RHOQ: variants seen among roughly 807,000 people sequenced by gnomAD.
RHOQ encodes ras homolog family member Q, also known as rho-related GTP-binding protein RhoQ.
In RHOQ, 7 loss-of-function variants were observed where a neutral mutation model predicts 25.8. The observed-to-expected ratio is 0.27, with a 90% CI of 0.15 to 0.51. The LOEUF is 0.51. Ranked by LOEUF, RHOQ falls within the 20% of genes least tolerant of loss-of-function variation. The probability of loss-of-function intolerance (pLI) is 0.97; values close to 1 mark genes in which losing one functional copy is unlikely to be tolerated. For missense variants in RHOQ, 165 were observed against 260.6 expected, an observed-to-expected ratio of 0.63 and a Z score of 2.53; for synonymous variants, 97 against 98.6, an observed-to-expected ratio of 0.98 and a Z score of 0.10.
chr2:46,545,723 C>T (rs939628384), intron 2 of RHOQ, among the ~76,000 whole-genome samples: 2 of 151,990 alleles, frequency 1.3e-5, no homozygotes, highest in African/African-American at 4.8e-5. Context: ...GCTGAGATGC[C>T]ACGGGGTTGA....
intron 4 of RHOQ, among the ~76,000 whole-genome samples, chr2:46,577,565 A>ATTTTTT (rs908178158): frequency 2.0e-4 from 13 of 64,958 alleles, no homozygotes; most frequent in Non-Finnish European, 3.1e-4. Context: ...ACACCCGGCT[A>ATTTTTT]TTTTTTTTTT....
chr2:46,573,697 C>T (rs1193134252), intron 2 of RHOQ, among the ~76,000 whole-genome samples: 2 of 152,184 alleles, frequency 1.3e-5, no homozygotes, highest in Non-Finnish European at 2.9e-5. Context: ...ACATGGCATT[C>T]AATTAGTTTT....
chr2:46,578,874 T>C (rs974082036), intron 4 of RHOQ, among the ~76,000 whole-genome samples: 2 of 151,184 alleles, frequency 1.3e-5, no homozygotes, highest in African/African-American at 4.9e-5. Context: ...ATGTTAATTA[T>C]GTTGATTTAA....
At position 46,566,020 on chromosome 2, in the gene RHOQ, GAAGA is replaced by G. The variant is rs1309659152; in HGVS notation, c.202-10064_202-10061del. On this transcript the variant is annotated intron_variant, in intron 2 of 4. Coordinates refer to ENST00000238738, the MANE Select transcript of RHOQ (RefSeq NM_012249.4). The surrounding 1 kb of genome is among the most constrained non-coding windows in gnomAD (Gnocchi z 4.2). ...GGAAGATGAGTAGGAGCTCCCAGGT[GAAGA>G]AATACGGAGAGAGAGAAGAAACAGG... Among the ~76,000 whole-genome samples, 1 of 152,194 alleles carries G rather than the reference GAAGA, an allele frequency of 6.6e-6. No individual in the cohort carries two copies. Among genetic ancestry groups the G allele is most frequent in the African/African-American group, 2.4e-5 (1 of 41,438 alleles).
rs1186566625 is a variant in RHOQ at position 46,581,738 on chromosome 2, A to G, written c.*655A>G. ...TAATAAGGTCATAACTGCATTTATC[A>G]TGAACACTAAAAATGTACACATTTT... On this transcript the variant is annotated 3_prime_UTR_variant, in exon 5 of 5. Transcript: ENST00000238738. 2.6e-6 allele frequency: 3 copies of G among 1,135,474 alleles called. No homozygotes were observed. Among genetic ancestry groups the G allele is most frequent in the Admixed American group, 6.1e-5 (2 of 32,706 alleles). 70.3% of individuals were successfully genotyped at this position (1,135,474 alleles called of 1,614,324 possible). A position where few individuals can be genotyped will look rare whatever the true frequency, so the allele number is the denominator to read the frequency against.
At chr2:46,570,118 CAA>C (rs1668864718) in intron 2 of RHOQ, among the ~76,000 whole-genome samples, 2 of 152,118 alleles carry the variant, frequency 1.3e-5, no homozygotes, top group Admixed American at 6.5e-5. Flanking sequence ...AAAATGAACT[CAA>C]AAGTGTCAAA....
intron 2 of RHOQ, among the ~76,000 whole-genome samples, chr2:46,546,468 A>ATATG (rs1558680317): frequency 4.4e-3 from 29 of 6,578 alleles, no homozygotes; most frequent in Non-Finnish European, 8.3e-3. Flanking sequence ...ATATATATAT[A>ATATG]TATATGTGTA....
At chr2:46,562,735 C>T (rs895143148) in intron 2 of RHOQ, among the ~76,000 whole-genome samples, 2 of 152,012 alleles carry the variant, frequency 1.3e-5, no homozygotes, top group Non-Finnish European at 2.9e-5. Flanking sequence ...TTTTGAAAAA[C>T]GTATTTGAGA....
chr2:46,580,113 A>G (rs1267434184), intron 4 of RHOQ: 2 of 152,404 alleles, frequency 1.3e-5, no homozygotes, highest in African/African-American at 4.8e-5. Context: ...TGTAAGCGCA[A>G]TCATGTCACT....
At chr2:46,570,475 T>C (rs1558690446) in intron 2 of RHOQ, among the ~76,000 whole-genome samples, 1 of 152,056 alleles carries the variant, frequency 6.6e-6, no homozygotes, top group Non-Finnish European at 1.5e-5. Context: ...TGAGGTTTCA[T>C]AGGCTACTCT....
At chr2:46,559,308 G>T (rs919069530) in intron 2 of RHOQ, among the ~76,000 whole-genome samples, 3 of 152,078 alleles carry the variant, frequency 2.0e-5, no homozygotes, top group African/African-American at 7.2e-5. Flanking sequence ...TTTGTTTTTT[G>T]ATGGTATATC....
intron 2 of RHOQ, among the ~76,000 whole-genome samples, chr2:46,574,006 G>A (rs1669022734): frequency 6.6e-6 from 1 of 152,242 alleles, no homozygotes; most frequent in African/African-American, 2.4e-5. Flanking sequence ...CTGCAAAGCT[G>A]AGGCAAGTGT....
At chr2:46,551,207 T>G (rs1231988526) in intron 2 of RHOQ, among the ~76,000 whole-genome samples, 2 of 152,188 alleles carry the variant, frequency 1.3e-5, no homozygotes, top group Non-Finnish European at 1.5e-5. Context: ...AGCTCCCAGA[T>G]AAGGGATTTC....
intron 2 of RHOQ, among the ~76,000 whole-genome samples, chr2:46,575,380 T>C (rs1482975441): frequency 6.7e-6 from 1 of 149,708 alleles, no homozygotes; most frequent in Non-Finnish European, 1.5e-5. Flanking sequence ...GTTTACTGTG[T>C]ATGTTTCTCT....
In RHOQ at chr2:46,566,375, A is replaced by G. The variant is rs1221856144; in HGVS notation, c.202-9712A>G. On this transcript the variant is annotated intron_variant, in intron 2 of 4. Coordinates refer to ENST00000238738, the MANE Select transcript of RHOQ (RefSeq NM_012249.4). This position sits in a 1 kb window ranked among gnomAD's most constrained non-coding sequence, Gnocchi z 4.2. Reference sequence around the variant, plus strand: ...AACTGTCCTCTTGAGTTCTCTCCCTATGGTGCTTCTCTACCCTACCCTCAG... The same window carrying G: ...AACTGTCCTCTTGAGTTCTCTCCCTGTGGTGCTTCTCTACCCTACCCTCAG... Among the ~76,000 whole-genome samples the G allele has an allele frequency of 1.3e-5, 2 of 152,052 alleles. No homozygotes were observed. The highest frequency in any genetic ancestry group is 1.9e-4 in the East Asian group (1 of 5,188).
intron 2 of RHOQ, among the ~76,000 whole-genome samples, chr2:46,550,837 T>C (rs1668218546): frequency 6.6e-6 from 1 of 152,178 alleles, no homozygotes; most frequent in African/African-American, 2.4e-5. Flanking sequence ...TCGGTTGGTG[T>C]TGATTCAATG....
intron 2 of RHOQ, among the ~76,000 whole-genome samples, chr2:46,574,336 CT>C (rs11349816): frequency 0.21 from 30,485 of 142,214 alleles, 4,543 homozygotes; most frequent in African/African-American, 0.44. Context: ...CATACTGTTT[CT>C]TTTTTTTTTT....
intron 4 of RHOQ, among the ~76,000 whole-genome samples, chr2:46,578,067 T>C (rs1316626756): frequency 3.9e-5 from 6 of 152,106 alleles, no homozygotes; most frequent in Admixed American, 2.6e-4. Flanking sequence ...CAGCCACAGA[T>C]ACCAATAGAA....
chr2:46,545,274 A>G (rs749972606), intron 2 of RHOQ, among the ~76,000 whole-genome samples: 3 of 152,222 alleles, frequency 2.0e-5, no homozygotes, highest in Non-Finnish European at 4.4e-5. Flanking sequence ...AAGTCGTATT[A>G]TTGATAAACA....
Sources: gnomAD v4.1 joint callset for allele counts (sites outside exome capture counted in the v4.1 genomes callset) on GRCh38, gnomAD v4.1.1 for gene constraint, Gnocchi (gnomAD v3.1) non-coding constraint, MANE v1.5 for transcripts, NCBI Gene and HGNC (gene_info 2026-07-23, HGNC 2026-07-21) for gene names.